The following TMEM120B variants were observed in gnomAD, a reference collection of about 807,000 sequenced individuals.
TMEM120B encodes transmembrane protein 120B.
Under a neutral mutation model 55.5 loss-of-function variants are expected in TMEM120B, and 31 were observed. The ratio of observed to expected loss-of-function variants is 0.56; its 90% CI spans 0.42 to 0.75. The LOEUF is 0.75. Among genes scored for constraint, TMEM120B ranks in the 30% least tolerant of loss-of-function variants. The pLI is 0.00. For synonymous variants in TMEM120B, 203 were observed against 176.3 expected (o/e 1.15, Z -1.20); for missense variants, 399 against 425.5 (o/e 0.94, Z 0.55).
chr12:121,737,441 G>T (rs966169491), intron 1 of TMEM120B, among the ~76,000 whole-genome samples: 2 of 151,918 alleles, frequency 1.3e-5, no homozygotes, highest in Non-Finnish European at 2.9e-5. Flanking sequence ...GGAGGCGGAG[G>T]TTGCAGTAAG....
At chr12:121,772,129 C>CTCTTTCTT (rs376017398) in intron 8 of TMEM120B, among the ~76,000 whole-genome samples, 2 of 148,032 alleles carry the variant, frequency 1.4e-5, no homozygotes, top group African/African-American at 5.0e-5. Context: ...CTCTCTTTCT[C>CTCTTTCTT]TCTTTCTTTC....
intron 5 of TMEM120B, among the ~76,000 whole-genome samples, chr12:121,753,924 G>A (rs1487034084): frequency 6.6e-6 from 1 of 152,190 alleles, no homozygotes; most frequent in Non-Finnish European, 1.5e-5. Context: ...GTGCTCCCCA[G>A]CTGCTGGTAC....
intron 2 of TMEM120B, 33 bp from the exon 3 acceptor site, chr12:121,748,293 C>T (rs1566515986): frequency 1.3e-6 from 2 of 1,559,958 alleles, no homozygotes; most frequent in Non-Finnish European, 1.8e-6. Context: ...CTGAGTGACG[C>T]CCCTTCCCCT....
At position 121,780,803 on chromosome 12, in the gene TMEM120B, T is replaced by G; in HGVS notation, c.*5081T>G. On this transcript the variant is annotated 3_prime_UTR_variant, in exon 12 of 12. Coordinates refer to ENST00000449592, the MANE Select transcript of TMEM120B (RefSeq NM_001080825.2). The stretch of plus-strand genomic sequence containing the variant: ...CTGAAAGGCCACTAAGGCACCCCAG[T>G]TGCAGAGGCCAAAGGTCCGGGAGGC... The G allele has an allele frequency of 6.5e-7, 1 of 1,531,950 alleles. No individual in the cohort carries two copies. The highest frequency in any genetic ancestry group is 8.8e-7 in the Non-Finnish European group (1 of 1,141,596). 94.9% of individuals were successfully genotyped at this position (1,531,950 alleles called of 1,614,324 possible).
At chr12:121,752,490 C>T (rs1178636461) in intron 5 of TMEM120B, among the ~76,000 whole-genome samples, 6 of 152,294 alleles carry the variant, frequency 3.9e-5, no homozygotes, top group South Asian at 2.1e-4. Context: ...CGGTGGCTCA[C>T]GCCTGTAATC....
Position 121,781,374 on chromosome 12 carries a change from G to A in TMEM120B, c.*5652G>A, listed in dbSNP as rs904592777. On this transcript the variant is annotated 3_prime_UTR_variant, in exon 12 of 12. Coordinates refer to ENST00000449592, the MANE Select transcript of TMEM120B (RefSeq NM_001080825.2). Reference sequence around the variant, plus strand: ...TGGTCGCAGCTACTCGGGAGGCTGAGGCCGGAGGATCGCTTGAGCCCAGGA... The same window carrying A: ...TGGTCGCAGCTACTCGGGAGGCTGAAGCCGGAGGATCGCTTGAGCCCAGGA... The A allele has an allele frequency of 1.7e-6, 1 of 590,108 alleles. No individual in the cohort carries two copies. Among genetic ancestry groups the A allele is most frequent in the African/African-American group, 1.9e-5 (1 of 53,574 alleles). 36.6% of individuals were successfully genotyped at this position (590,108 alleles called of 1,614,324 possible).
rs1592954177 is a variant in TMEM120B, at chr12:121,779,321, A to T, written c.*3599A>T. 1 of 663,286 alleles carries T rather than the reference A, an allele frequency of 1.5e-6. No individual in the cohort carries two copies. The highest frequency in any genetic ancestry group is 2.5e-6 in the Non-Finnish European group (1 of 396,910). The allele number at this position is 663,286 out of a possible 1,614,324, so 41.1% of individuals were successfully genotyped here. The stretch of plus-strand genomic sequence containing the variant: ...ATGTCCCAGGGGCAGCCTGGAGGGG[A>T]GTTTGTGGTCAGAGCCCCAGCCAGG... On this transcript the variant is annotated 3_prime_UTR_variant, in exon 12 of 12. Coordinates refer to ENST00000449592, the MANE Select transcript of TMEM120B (RefSeq NM_001080825.2).
intron 1 of TMEM120B, among the ~76,000 whole-genome samples, chr12:121,735,548 A>T (rs1463666564): frequency 2.0e-5 from 3 of 151,630 alleles, no homozygotes. Context: ...ACAGGCGCAC[A>T]CCACCATGGG....
chr12:121,729,980 G>C (rs1894966102), intron 1 of TMEM120B, among the ~76,000 whole-genome samples: 1 of 152,018 alleles, frequency 6.6e-6, no homozygotes, highest in Admixed American at 6.6e-5. Flanking sequence ...GGAAATTCTG[G>C]CCAGGTGCGG....
intron 8 of TMEM120B, among the ~76,000 whole-genome samples, chr12:121,772,253 C>T (rs1405906837): frequency 2.0e-5 from 3 of 151,398 alleles, no homozygotes; most frequent in South Asian, 2.1e-4. Context: ...CTCAGCCTCC[C>T]GGGTGGCTGG....
In TMEM120B at chr12:121,763,637, T is replaced by C. The variant is rs1375494214; in HGVS notation, c.551+1899T>C. ...TTTGTATTTTTAGTAGAGACTGGGT[T>C]TCATCATGTTGGCCAGGCTGGTCTC... On this transcript the variant is annotated intron_variant, in intron 6 of 11. Transcript: ENST00000449592. Among the ~76,000 whole-genome samples, 4 of 152,134 alleles carry C rather than the reference T, an allele frequency of 2.6e-5. No individual in the cohort carries two copies. The East Asian group carries it at 7.7e-4, about 29-fold the overall frequency.
intron 1 of TMEM120B, among the ~76,000 whole-genome samples, chr12:121,727,536 C>CAAA (rs758470408): frequency 1.4e-4 from 5 of 35,838 alleles, no homozygotes; most frequent in Admixed American, 2.9e-4. Context: ...GACCCTGTCT[C>CAAA]AAAAAAAAAA....
chr12:121,774,516 C>G, intron 9 of TMEM120B, 142 bp from the exon 10 acceptor site: 1 of 704,620 alleles, frequency 1.4e-6, no homozygotes, highest in South Asian at 1.9e-5. Context: ...CCAGCTATGA[C>G]AGGTGAGGGC....
chr12:121,754,087 C>T (rs1475723477), intron 5 of TMEM120B, among the ~76,000 whole-genome samples: 1 of 152,250 alleles, frequency 6.6e-6, no homozygotes, highest in Non-Finnish European at 1.5e-5. Flanking sequence ...GCGTTTATTG[C>T]CTGGCAGGCA....
chr12:121,726,867 C>T (rs1170930387), intron 1 of TMEM120B, among the ~76,000 whole-genome samples: 1 of 134,836 alleles, frequency 7.4e-6, no homozygotes, highest in Non-Finnish European at 1.5e-5. Context: ...GAGGTCTTGC[C>T]ATTGCACTTC....
At position 121,779,930 on chromosome 12, in the gene TMEM120B, A is replaced by T; in HGVS notation, c.*4208A>T. On this transcript the variant is annotated 3_prime_UTR_variant, in exon 12 of 12. Transcript: ENST00000449592. ...GGGCAGGGAGGGGCTGAATCCTGAG[A>T]CCCGGGGTTGGTTCCCCCAGGTGTC... 1 of 402,188 alleles carries T rather than the reference A, an allele frequency of 2.5e-6. No homozygotes were observed. The highest frequency in any genetic ancestry group is 3.7e-5 in the East Asian group (1 of 26,996). The allele number at this position is 402,188 out of a possible 1,614,324, so 24.9% of individuals were successfully genotyped here.
chr12:121,773,315 C>T (rs1874121594), intron 8 of TMEM120B, 106 bp from the exon 9 acceptor site: 2 of 998,654 alleles, frequency 2.0e-6, no homozygotes, highest in African/African-American at 1.6e-5. Flanking sequence ...ACCCTTTCTG[C>T]TTCTGCCCAG....
intron 1 of TMEM120B, among the ~76,000 whole-genome samples, chr12:121,717,248 G>A (rs58437343): frequency 0.014 from 2,057 of 152,244 alleles, 47 homozygotes; most frequent in African/African-American, 0.047. Context: ...ACCTGATCTC[G>A]TTCCTCCCAG....
intron 7 of TMEM120B, among the ~76,000 whole-genome samples, chr12:121,771,181 G>A (rs1874039772): frequency 6.6e-6 from 1 of 152,184 alleles, no homozygotes; most frequent in Non-Finnish European, 1.5e-5. Context: ...GGTGTCCCTG[G>A]CCAGGGCAGA....
Sources: gnomAD v4.1 joint callset for allele counts (sites outside exome capture counted in the v4.1 genomes callset) on GRCh38, gnomAD v4.1.1 for gene constraint, MANE v1.5 for transcripts, NCBI Gene and HGNC (gene_info 2026-07-23, HGNC 2026-07-21) for gene names.